The following SEPSECS variants were observed in gnomAD, a reference collection of about 807,000 sequenced individuals.
SEPSECS encodes O-phosphoseryl-tRNA(Sec) selenium transferase.
A neutral mutation model predicts 52.1 loss-of-function variants in SEPSECS; 42 were observed. That is an observed-to-expected ratio of 0.81 (90% CI 0.63 to 1.04). The LOEUF is 1.04. Ranked by LOEUF, SEPSECS falls within the 50% of genes least tolerant of loss-of-function variation. The pLI is 0.00. For synonymous variants in SEPSECS, 216 were observed against 211.4 expected, an observed-to-expected ratio of 1.02 and a Z score of -0.19; for missense variants, 590 against 610.6, an observed-to-expected ratio of 0.97 and a Z score of 0.36.
At chr4:25,142,734 G>A (rs1711663196) in intron 8 of SEPSECS, among the ~76,000 whole-genome samples, 1 of 152,136 alleles carries the variant, frequency 6.6e-6, no homozygotes, top group Non-Finnish European at 1.5e-5. Flanking sequence ...AGAGACCATT[G>A]CGTTAAAAAG....
intron 8 of SEPSECS, among the ~76,000 whole-genome samples, chr4:25,138,948 G>A (rs1288430626): frequency 1.3e-5 from 2 of 152,168 alleles, no homozygotes; most frequent in Non-Finnish European, 2.9e-5. Context: ...TTGCTTTCTA[G>A]ACTCAGCTTA....
At position 25,158,817 on chromosome 4, in the gene SEPSECS, T is replaced by C. The variant is rs189289009; in HGVS notation, c.269+136A>G. 3.6e-6 allele frequency: 3 copies of C among 840,680 alleles called. No homozygotes were observed. The Admixed American group carries it at 7.1e-5, about 20-fold the overall frequency. 52.1% of individuals were successfully genotyped at this position (840,680 alleles called of 1,614,324 possible). ...TTCCATCTCCCTGTTGCATTTGGCT[T>C]ACATATCCATTAGAGCAGGGAAGAA... On this transcript the variant is annotated intron_variant, in intron 2 of 10. Transcript: ENST00000382103.
At chr4:25,149,941 C>T (rs953894788) in intron 6 of SEPSECS, among the ~76,000 whole-genome samples, 1 of 152,194 alleles carries the variant, frequency 6.6e-6, no homozygotes, top group African/African-American at 2.4e-5. Context: ...ACCATGCCTA[C>T]AACCCACTCC....
At chr4:25,124,288 A>C in intron 10 of SEPSECS, 63 bp from the exon 11 acceptor site, 1 of 1,478,830 alleles carries the variant, frequency 6.8e-7, no homozygotes. Context: ...GTCACCCATA[A>C]ACAAAAGATA....
intron 8 of SEPSECS, among the ~76,000 whole-genome samples, chr4:25,140,692 T>C (rs1729025720): frequency 6.6e-6 from 1 of 152,220 alleles, no homozygotes; most frequent in African/African-American, 2.4e-5. Context: ...TATAAGGATG[T>C]ATATGGTATT....
chr4:25,126,667 G>A (rs1468347097), intron 9 of SEPSECS, among the ~76,000 whole-genome samples: 2 of 152,076 alleles, frequency 1.3e-5, no homozygotes, highest in Non-Finnish European at 2.9e-5. Flanking sequence ...TAAAAACACA[G>A]TCCTTATATA....
In SEPSECS at chr4:25,151,011, G is replaced by A. The variant is rs146836957; in HGVS notation, c.804+949C>T. Among the ~76,000 whole-genome samples the A allele has an allele frequency of 3.1e-3, 467 of 152,162 alleles. 4 individuals carry two copies. Among genetic ancestry groups the A allele is most frequent in the African/African-American group, 0.011 (439 of 41,510 alleles). The stretch of plus-strand genomic sequence containing the variant: ...TCAAAAAAATAAAAAACTAGAAAAC[G>A]CTAGCAAGGAAGGGGGAGGTGTTAG... On this transcript the variant is annotated intron_variant, in intron 6 of 10. Transcript: ENST00000382103.
intron 1 of SEPSECS, 92 bp downstream of exon 1, chr4:25,160,162 AAG>A (rs1483827414): frequency 6.5e-7 from 1 of 1,530,594 alleles, no homozygotes; most frequent in African/African-American, 1.4e-5. Flanking sequence ...TCAAGCAGCG[AAG>A]AGCTGCCGGT....
chr4:25,154,375 A>G (rs1197102860), intron 5 of SEPSECS, among the ~76,000 whole-genome samples: 2 of 152,196 alleles, frequency 1.3e-5, no homozygotes, highest in East Asian at 3.8e-4. Flanking sequence ...AACAAAAAAA[A>G]TTGTAGTCAA....
Position 25,155,224 on chromosome 4 carries a change from C to T in SEPSECS, c.548-73G>A, listed in dbSNP as rs998215961. ...GGGAAGATCCTGAAACTCTAGGAAG[C>T]ATGCTATTCTACACAAGAACTCTTA... On this transcript the variant is annotated intron_variant, in intron 4 of 10. Coordinates refer to ENST00000382103, the MANE Select transcript of SEPSECS (RefSeq NM_016955.4). The T allele has an allele frequency of 1.1e-5, 16 of 1,487,580 alleles. No homozygotes were observed. In the African/African-American group the frequency reaches 1.9e-4, roughly 18 times the overall value. The allele number at this position is 1,487,580 out of a possible 1,614,324, so 92.1% of individuals were successfully genotyped here.
intron 2 of SEPSECS, among the ~76,000 whole-genome samples, chr4:25,158,518 T>C (rs1462090893): frequency 6.6e-6 from 1 of 151,750 alleles, no homozygotes; most frequent in East Asian, 1.9e-4. Flanking sequence ...ATTTATAAAA[T>C]GAGATTCAGT....
rs1433699891 is a variant in SEPSECS at position 25,136,742 on chromosome 4, A to G, written c.1026+8032T>C. On this transcript the variant is annotated intron_variant, in intron 8 of 10. Coordinates refer to ENST00000382103, the MANE Select transcript of SEPSECS (RefSeq NM_016955.4). ...AAAAATTCACATGGAACCAAAAAAG[A>G]GTCTGTATAGCCAAGACAATCCTAA... is the stretch of plus-strand genomic sequence containing the variant. Among the ~76,000 whole-genome samples the G allele has an allele frequency of 2.6e-5, 4 of 152,316 alleles. No individual in the cohort carries two copies. The East Asian group carries it at 7.7e-4, about 29-fold the overall frequency.
At chr4:25,146,310 C>G (rs1249772074) in intron 6 of SEPSECS, among the ~76,000 whole-genome samples, 8 of 152,182 alleles carry the variant, frequency 5.3e-5, no homozygotes, top group African/African-American at 1.9e-4. Context: ...CAGGTGGAAG[C>G]AGCCGAAGCA....
At position 25,120,016 on chromosome 4, in the gene SEPSECS, A is replaced by T. The variant is rs930726462; in HGVS notation, c.*3915T>A. The T allele has an allele frequency of 6.6e-6, 1 of 152,054 alleles. No individual in the cohort carries two copies. Among genetic ancestry groups the T allele is most frequent in the African/African-American group, 2.4e-5 (1 of 41,434 alleles). The allele number at this position is 152,054 out of a possible 1,614,324, so 9.4% of individuals were successfully genotyped here. On this transcript the variant is annotated 3_prime_UTR_variant, in exon 11 of 11. Coordinates refer to ENST00000382103, the MANE Select transcript of SEPSECS (RefSeq NM_016955.4). Reference sequence around the variant, plus strand: ...TAGGTAAAATAACGTACTGTCAGTGACTTATCAAAAATTTATTTCATATAA... The same window carrying T: ...TAGGTAAAATAACGTACTGTCAGTGTCTTATCAAAAATTTATTTCATATAA...
chr4:25,125,579 G>T (rs1728325997), intron 10 of SEPSECS, 115 bp downstream of exon 10: 6 of 737,494 alleles, frequency 8.1e-6, no homozygotes, highest in Non-Finnish European at 1.2e-5. Flanking sequence ...ACTCCATGAT[G>T]AATTCGCAGG....
chr4:25,135,183 G>T (rs1728786558), intron 8 of SEPSECS, among the ~76,000 whole-genome samples: 1 of 150,670 alleles, frequency 6.6e-6, no homozygotes, highest in Non-Finnish European at 1.5e-5. Context: ...CCCAAAGCTA[G>T]CAGAAGACAA....
Position 25,158,997 on chromosome 4 carries a change from C to T in SEPSECS, c.225G>A (p.Arg75=), listed in dbSNP as rs1712870187. The T allele has an allele frequency of 1.9e-6, 3 of 1,613,886 alleles. No individual in the cohort carries two copies. The highest frequency in any genetic ancestry group is 2.5e-6 in the Non-Finnish European group (3 of 1,179,854). Residue 75 remains arginine, a synonymous_variant, in exon 2 of 11, where the codon AGG becomes AGA. Transcript: ENST00000382103. ...NFLGNCGVGE[R]EGRVASALVA... ...CCAGTGCGGATGCCACTCTCCCTTC[C>T]CTTTCTCCCACACCACAATTGCCTA...
intron 6 of SEPSECS, 86 bp from the exon 7 acceptor site, chr4:25,145,219 A>G (rs1711889560): frequency 1.5e-6 from 2 of 1,371,410 alleles, no homozygotes; most frequent in African/African-American, 1.4e-5. Context: ...AAAAATTATA[A>G]CTATTTGAGT....
intron 6 of SEPSECS, among the ~76,000 whole-genome samples, chr4:25,145,362 G>T (rs1041892149): frequency 2.0e-5 from 3 of 152,054 alleles, no homozygotes; most frequent in African/African-American, 7.2e-5. Flanking sequence ...TTAAAACAAT[G>T]CATGGAAAAA....
Sources: allele counts gnomAD v4.1 joint callset (sites outside exome capture counted in the v4.1 genomes callset), GRCh38; gene constraint gnomAD v4.1.1; transcripts MANE v1.5; gene names NCBI Gene and HGNC (gene_info 2026-07-23, HGNC 2026-07-21).